Variants in NEB observed in about 807,000 individuals in gnomAD.
NEB encodes the protein nebulin, also known as nemaline myopathy type 2.
In NEB, 512 loss-of-function variants were observed where a neutral mutation model predicts 952.2. The ratio of observed to expected loss-of-function variants is 0.54; its 90% CI spans 0.50 to 0.58. The LOEUF (loss-of-function observed/expected upper bound fraction) is 0.58, where lower values mean the gene tolerates loss of function less well. Among genes scored for constraint, NEB ranks in the 20% least tolerant of loss-of-function variants. NEB has a pLI of 0.00. For missense variants in NEB, 8,428 were observed against 9,231.1 expected, an observed-to-expected ratio of 0.91 and a Z score of 3.56; for synonymous variants, 2,900 against 3,149.8, an observed-to-expected ratio of 0.92 and a Z score of 2.66.
In NEB at chr2:151,547,727, C is replaced by G. The variant is rs959967237; in HGVS notation, c.20169G>C (p.Arg6723=). The change falls in exon 132 of 182, where the codon CGG becomes CGC. Residue 6723 remains arginine, a synonymous_variant. Coordinates refer to ENST00000397345, the MANE Select transcript of NEB (RefSeq NM_001164508.2). ...TGTCTTTCAGTTTGTGGTACAATTCCCGATACAGTCTCTACGTTGGAGGAA... is the reference window on the plus strand; with the variant it reads ...TGTCTTTCAGTTTGTGGTACAATTCGCGATACAGTCTCTACGTTGGAGGAA... ...VNNVTSERLY[R]ELYHKLKDKI... 3.7e-6 allele frequency: 6 copies of G among 1,612,678 alleles called. No individual in the cohort carries two copies. Among genetic ancestry groups the G allele is most frequent in the Non-Finnish European group, 5.1e-6 (6 of 1,179,230 alleles).
intron 9 of NEB, among the ~76,000 whole-genome samples, chr2:151,722,557 GT>G (rs1241356521): frequency 6.6e-6 from 1 of 152,054 alleles, no homozygotes; most frequent in Non-Finnish European, 1.5e-5. Context: ...TTGTTTGTTT[GT>G]TTTTAAGATG....
Position 151,725,500 on chromosome 2 carries a change from T to C in NEB, c.355A>G (p.Thr119Ala), listed in dbSNP as rs182207224. The C allele has an allele frequency of 1.7e-4, 277 of 1,613,742 alleles. 2 individuals are homozygous for C. In the South Asian group the frequency reaches 1.8e-3, roughly 10 times the overall value. Residue 119 changes from threonine (T) to alanine (A), a missense_variant, in exon 6 of 182, where the codon ACT becomes GCT. Coordinates refer to ENST00000397345, the MANE Select transcript of NEB (RefSeq NM_001164508.2). ...TTTTTGATTCTGCGAAGTTCTGGAG[T>C]ATCTGTTGTGCTGGCGTATGGCTGT... ...KGQPYASTTD[T>A]PELRRIKKVQ...
chr2:151,642,886 A>T lies in NEB; in HGVS notation c.8161-17T>A, dbSNP rs1254988879. ...ATAGAGGCGCTAAGAGAAACAGAAA[A>T]ACATGACTGGTATAGGCCAGTAATA... On this transcript the variant is annotated splice_polypyrimidine_tract_variant and intron_variant, in intron 58 of 181. Coordinates refer to ENST00000397345, the MANE Select transcript of NEB (RefSeq NM_001164508.2). 1 of 1,565,504 alleles carries T rather than the reference A, an allele frequency of 6.4e-7. No individual in the cohort carries two copies.
Position 151,490,408 on chromosome 2 carries a change from T to G in NEB, c.25261A>C (p.Thr8421Pro), listed in dbSNP as rs748048179. 4.4e-6 allele frequency: 7 copies of G among 1,596,316 alleles called. No homozygotes were observed. The East Asian group carries it at 1.6e-4, about 36-fold the overall frequency. ...GCAAAGACACCCCCGTCGCTGTAAG[T>G]CGAAAGGTGGTGGTCTGGTGCTTCT... ...HSEAPDHHLS[T>P]YSDGGVFAVS... Residue 8421 changes from threonine to proline, a missense_variant, in exon 180 of 182, where the codon ACT becomes CCT. Physicochemically the swap from Thr to Pro is conservative, Grantham distance 38. Transcript: ENST00000397345.
chr2:151,680,765 C>T lies in NEB; in HGVS notation c.3007G>A (p.Val1003Ile). 2 of 1,612,822 alleles carry T rather than the reference C, an allele frequency of 1.2e-6. No individual in the cohort carries two copies. Among genetic ancestry groups the T allele is most frequent in the Non-Finnish European group, 1.7e-6 (2 of 1,178,972 alleles). Reference sequence around the variant, plus strand: ...TGGGCCTGGTTAATTTTAGACTGTACTGTAATTGGAGCATCTTCAATCGAG... The same window carrying T: ...TGGGCCTGGTTAATTTTAGACTGTATTGTAATTGGAGCATCTTCAATCGAG... ...FTSIEDAPITVQSKINQAQRS... is the reference protein window; with the variant it reads ...FTSIEDAPITIQSKINQAQRS... The change falls in exon 30 of 182, where the codon GTA (valine) becomes ATA (isoleucine). Residue 1003 changes from valine (V) to isoleucine (I), a missense_variant. Physicochemically the swap from Val to Ile is conservative, Grantham distance 29. Coordinates refer to ENST00000397345, the MANE Select transcript of NEB (RefSeq NM_001164508.2).
chr2:151,619,892 C>T (rs1364385724), intron 72 of NEB, 130 bp from the exon 73 acceptor site: 29 of 923,076 alleles, frequency 3.1e-5, no homozygotes, highest in Non-Finnish European at 4.3e-5. Flanking sequence ...TGCTGTAACG[C>T]CACATATTGG....
intron 46 of NEB, 74 bp downstream of exon 46, chr2:151,662,061 C>T: frequency 3.7e-6 from 5 of 1,349,998 alleles, no homozygotes; most frequent in East Asian, 2.4e-5. Flanking sequence ...ATTAGCAAAA[C>T]CTGTGGATTA....
chr2:151,563,777 C>T (rs757700324), intron 118 of NEB, 46 bp downstream of exon 118: 1 of 1,607,686 alleles, frequency 6.2e-7, no homozygotes, highest in South Asian at 1.1e-5. Context: ...CCCCTTGATC[C>T]CCAGTAAAGA....
chr2:151,550,604 T>C (rs1198757095), intron 129 of NEB, among the ~76,000 whole-genome samples: 1 of 152,150 alleles, frequency 6.6e-6, no homozygotes, highest in African/African-American at 2.4e-5. Context: ...GAGTTTAGGA[T>C]TAAGAATTAC....
In NEB at chr2:151,617,530, T is replaced by C. The variant is rs951123465; in HGVS notation, c.11077-62A>G. The C allele has an allele frequency of 9.1e-5, 102 of 1,120,234 alleles. 1 individual carries two copies. In the Middle Eastern group the frequency reaches 1.9e-3, roughly 21 times the overall value. 69.4% of individuals were successfully genotyped at this position (1,120,234 alleles called of 1,614,324 possible). A position where few individuals can be genotyped will look rare whatever the true frequency, so the allele number is the denominator to read the frequency against. ...AAAATTATTTTGGTGTTCACAGATA[T>C]TATTGTTTTGATTATGTGCCAGTCA... On this transcript the variant is annotated intron_variant, in intron 74 of 181. Transcript: ENST00000397345.
intron 107 of NEB, among the ~76,000 whole-genome samples, chr2:151,573,714 A>G (rs908197259): frequency 2.0e-5 from 3 of 152,174 alleles, no homozygotes; most frequent in Non-Finnish European, 4.4e-5. Context: ...GGCAAATTGC[A>G]CTAAGGTAGT....
In NEB at chr2:151,626,903, C is replaced by T. The variant is rs116380444; in HGVS notation, c.10347+99G>A. 3.3e-3 allele frequency: 4,665 copies of T among 1,396,074 alleles called. 66 individuals carry two copies. The East Asian group carries it at 0.041, about 12-fold the overall frequency. The allele number at this position is 1,396,074 out of a possible 1,614,324, so 86.5% of individuals were successfully genotyped here. A position where few individuals can be genotyped will look rare whatever the true frequency, so the allele number is the denominator to read the frequency against. On this transcript the variant is annotated intron_variant, in intron 70 of 181. Coordinates refer to ENST00000397345, the MANE Select transcript of NEB (RefSeq NM_001164508.2). ...AACTGAATCACTATACATTGGATAGCAATTTAATTGGATTTAAAAAAGAGA... is the reference window on the plus strand; with the variant it reads ...AACTGAATCACTATACATTGGATAGTAATTTAATTGGATTTAAAAAAGAGA...
chr2:151,663,806 C>T lies in NEB; in HGVS notation c.5505G>A (p.Arg1835=), dbSNP rs1397406873. 6.2e-7 allele frequency: 1 copy of T among 1,613,788 alleles called. No individual in the cohort carries two copies. Among genetic ancestry groups the T allele is most frequent in the Admixed American group, 1.7e-5 (1 of 59,998 alleles). ...CCAGCTTGGGGTCATCTTCCAGGCTCCGGAAGCCAATGTGTTTCCCTTTGG... is the reference window on the plus strand; with the variant it reads ...CCAGCTTGGGGTCATCTTCCAGGCTTCGGAAGCCAATGTGTTTCCCTTTGG... The part of the protein sequence containing the change: ...EQAKGKHIGF[R]SLEDDPKLVH... The change falls in exon 45 of 182, where the codon CGG becomes CGA. Residue 1835 remains arginine, a synonymous_variant. Coordinates refer to ENST00000397345, the MANE Select transcript of NEB (RefSeq NM_001164508.2).
At chr2:151,522,186 G>A (rs771612653) in intron 153 of NEB, among the ~76,000 whole-genome samples, 1 of 152,128 alleles carries the variant, frequency 6.6e-6, no homozygotes, top group Non-Finnish European at 1.5e-5. Flanking sequence ...TGTATTTGAA[G>A]TTTAAGATCT....
At chr2:151,499,623 T>TATTTC in intron 168 of NEB, 1 of 340,122 alleles carries the variant, frequency 2.9e-6, no homozygotes. Context: ...TGAATATATT[T>TATTTC]ATTTCCTGTG....
chr2:151,544,412 A>G (rs867558908), intron 135 of NEB, among the ~76,000 whole-genome samples: 5 of 152,178 alleles, frequency 3.3e-5, no homozygotes, highest in African/African-American at 9.7e-5. Context: ...CAGAATCTCT[A>G]TGGAGCATCT....
At chr2:151,715,423 C>T (rs931374845) in intron 10 of NEB, among the ~76,000 whole-genome samples, 1 of 152,196 alleles carries the variant, frequency 6.6e-6, no homozygotes, top group Non-Finnish European at 1.5e-5. Flanking sequence ...CCCCACCCCC[C>T]AAATTCATAT....
At chr2:151,548,267 T>C in intron 131 of NEB, 41 bp downstream of exon 131, 2 of 1,481,848 alleles carry the variant, frequency 1.3e-6, no homozygotes, top group Non-Finnish European at 1.9e-6. Flanking sequence ...CCATGGCTAT[T>C]GAAACTCAAT....
Position 151,706,970 on chromosome 2 carries a change from T to C in NEB, c.1063A>G (p.Asn355Asp), listed in dbSNP as rs1053530676. The C allele has an allele frequency of 2.1e-5, 33 of 1,591,736 alleles. No individual in the cohort carries two copies. Among genetic ancestry groups the C allele is most frequent in the Non-Finnish European group, 2.7e-5 (31 of 1,167,214 alleles). The change falls in exon 13 of 182, where the codon AAT becomes GAT. Residue 355 changes from asparagine to aspartate, a missense_variant. By Grantham distance (23) the Asn-to-Asp change is conservative (BLOSUM62 1). Transcript: ENST00000397345. ...ACATTATAATCTGCTTTTCCTTTAT[T>C]CTTTTCATAGTCTTCTTTGTATTTT... Reference protein sequence around the residue: ...KVKYKEDYEKNKGKADYNVLP... With the variant: ...KVKYKEDYEKDKGKADYNVLP...
Sources: allele counts gnomAD v4.1 joint callset (sites outside exome capture counted in the v4.1 genomes callset), GRCh38; gene constraint gnomAD v4.1.1; transcripts MANE v1.5; gene names NCBI Gene and HGNC (gene_info 2026-07-23, HGNC 2026-07-21).